The following CCDC3 variants were observed in gnomAD, a reference collection of about 807,000 sequenced individuals.
The protein encoded by CCDC3 is coiled-coil domain containing 3, also known as coiled-coil domain-containing protein 3.
CCDC3 carries 24 observed loss-of-function variants against 21.4 expected under a neutral mutation model. The observed-to-expected ratio is 1.12, with a 90% CI of 0.81 to 1.58. The LOEUF (loss-of-function observed/expected upper bound fraction) is 1.58. Ranked by LOEUF, CCDC3 falls within the 40% of genes most tolerant of loss-of-function variation. CCDC3 has a pLI of 0.00. For missense variants in CCDC3, 425 were observed against 360.9 expected (o/e 1.18, Z -1.44); for synonymous variants, 186 against 166.0 (o/e 1.12, Z -0.93).
At chr10:12,972,270 T>G (rs955656838) in intron 2 of CCDC3, among the ~76,000 whole-genome samples, 1 of 152,146 alleles carries the variant, frequency 6.6e-6, no homozygotes, top group Non-Finnish European at 1.5e-5. Flanking sequence ...AGCCTCCAGC[T>G]TCCTCTTCCC....
At chr10:13,052,025 C>T (rs1564333423) in intron 4 of CCDC3, among the ~76,000 whole-genome samples, 1 of 152,000 alleles carries the variant, frequency 6.6e-6, no homozygotes, top group Non-Finnish European at 1.5e-5. Flanking sequence ...TAGGAGGGCC[C>T]CTTTTATGGG....
At chr10:13,087,869 G>A (rs570009085) in intron 3 of CCDC3, among the ~76,000 whole-genome samples, 32 of 152,276 alleles carry the variant, frequency 2.1e-4, no homozygotes, top group Non-Finnish European at 4.3e-4. Flanking sequence ...AGCAATTGTG[G>A]TCCTCCAGAC....
chr10:12,920,681 G>A (rs935862024), intron 2 of CCDC3, among the ~76,000 whole-genome samples: 11 of 152,156 alleles, frequency 7.2e-5, no homozygotes, highest in Non-Finnish European at 1.3e-4. Flanking sequence ...GAGAAGTTTT[G>A]AACACGTATC....
rs535689977 is a variant in CCDC3, at chr10:13,089,622, CA to C, written c.-503+8902del. Among the ~76,000 whole-genome samples, 204 of 152,116 alleles carry C rather than the reference CA, an allele frequency of 1.3e-3. 1 individual carries two copies. The highest frequency in any genetic ancestry group is 4.5e-3 in the African/African-American group (187 of 41,470). ...TCTCCAACTTTTTATTTTCTTTCAG[CA>C]CCCCCCCTTAAATTGGAGGAATTCT... On this transcript the variant is annotated intron_variant, in intron 3 of 6. Transcript: ENST00000378839.
At chr10:12,932,437 G>T (rs929879792) in intron 2 of CCDC3, among the ~76,000 whole-genome samples, 1 of 152,072 alleles carries the variant, frequency 6.6e-6, no homozygotes, top group Admixed American at 6.5e-5. Context: ...TTGGAGTATG[G>T]TTTCTACTGA....
At chr10:12,899,953 C>T (rs1408111302) in intron 2 of CCDC3, among the ~76,000 whole-genome samples, 2 of 152,198 alleles carry the variant, frequency 1.3e-5, no homozygotes, top group Admixed American at 1.3e-4. Context: ...GGGAGGGACC[C>T]AGTGGGAAGT....
At chr10:12,939,185 T>G (rs2131236104) in intron 2 of CCDC3, among the ~76,000 whole-genome samples, 1 of 152,296 alleles carries the variant, frequency 6.6e-6, no homozygotes. Flanking sequence ...CCTTGCTTCC[T>G]ACTTTATAAA....
intron 5 of CCDC3, among the ~76,000 whole-genome samples, chr10:13,027,263 C>T (rs899066722): frequency 2.6e-5 from 4 of 152,088 alleles, no homozygotes; most frequent in African/African-American, 9.7e-5. Flanking sequence ...TTCTCAGAAC[C>T]CAAAGCACAC....
At chr10:12,901,433 C>T (rs1016372788) in intron 2 of CCDC3, among the ~76,000 whole-genome samples, 5 of 152,174 alleles carry the variant, frequency 3.3e-5, no homozygotes, top group East Asian at 1.9e-4. Flanking sequence ...CCACCAAGCC[C>T]GGCTCATTTT....
chr10:12,972,936 C>T (rs1279630436), intron 2 of CCDC3, among the ~76,000 whole-genome samples: 1 of 152,212 alleles, frequency 6.6e-6, no homozygotes, highest in Non-Finnish European at 1.5e-5. Context: ...CAGACAGGCA[C>T]GGTTTGAATC....
chr10:12,968,202 TACACAC>T (rs71386134), intron 2 of CCDC3, among the ~76,000 whole-genome samples: 4,230 of 143,540 alleles, frequency 0.029, 225 homozygotes, highest in African/African-American at 0.1. Context: ...CACACACACA[TACACAC>T]ACACACACAC....
intron 3 of CCDC3, among the ~76,000 whole-genome samples, chr10:13,096,220 A>G (rs1832628153): frequency 7.0e-6 from 1 of 143,078 alleles, no homozygotes; most frequent in South Asian, 2.2e-4. Flanking sequence ...GTCTCACTCC[A>G]TGGCCCAGGC....
At chr10:13,012,827 A>G (rs187665795) in intron 5 of CCDC3, among the ~76,000 whole-genome samples, 4 of 152,160 alleles carry the variant, frequency 2.6e-5, no homozygotes, top group Admixed American at 1.3e-4. Flanking sequence ...CCCTGGTGAC[A>G]AAATAATTTG....
intron 2 of CCDC3, among the ~76,000 whole-genome samples, chr10:12,961,340 T>C (rs1589022736): frequency 2.6e-5 from 4 of 152,140 alleles, no homozygotes; most frequent in Admixed American, 6.5e-5. Context: ...TTGCCAAAAA[T>C]ATGTCAGGAA....
intron 2 of CCDC3, among the ~76,000 whole-genome samples, chr10:12,913,912 C>T (rs555702171): frequency 6.6e-6 from 1 of 152,302 alleles, no homozygotes; most frequent in South Asian, 2.1e-4. Flanking sequence ...TTGAACCATG[C>T]TTATATCCCT....
chr10:13,001,321 C>A lies in CCDC3; in HGVS notation c.250G>T (p.Asp84Tyr). 2 of 1,606,116 alleles carry A rather than the reference C, an allele frequency of 1.2e-6. No individual in the cohort carries two copies. The highest frequency in any genetic ancestry group is 1.3e-5 in the African/African-American group (1 of 75,006). ...TCCAGCATGCTGCCCCACGCCTGGT[C>A]GCACAGCATCTCGACCTCGGCCGAG... ...FYSAEVEMLC[D>Y]QAWGSMLEVP... is the part of the protein sequence containing the mutation. Residue 84 changes from aspartate (D) to tyrosine (Y), a missense_variant, in exon 1 of 3, where the codon GAC becomes TAC. Physicochemically the swap from Asp to Tyr is radical, Grantham distance 160. Transcript: ENST00000378825.
chr10:12,981,218 T>C (rs888776904), intron 2 of CCDC3, among the ~76,000 whole-genome samples: 22 of 139,088 alleles, frequency 1.6e-4, no homozygotes, highest in African/African-American at 5.4e-4. Context: ...TTCTCACAGT[T>C]GGCCAGACAG....
chr10:13,063,690 T>A (rs1247392837), intron 4 of CCDC3, among the ~76,000 whole-genome samples: 3 of 152,104 alleles, frequency 2.0e-5, no homozygotes, highest in Non-Finnish European at 4.4e-5. Context: ...TACAAACTCA[T>A]GGAAACTCTG....
At chr10:13,075,803 C>A (rs529383773) in intron 3 of CCDC3, among the ~76,000 whole-genome samples, 2 of 152,294 alleles carry the variant, frequency 1.3e-5, no homozygotes, top group South Asian at 4.1e-4. Context: ...AATCCCAGCA[C>A]TTTCAGTGGC....
Sources: gnomAD v4.1 joint callset for allele counts (sites outside exome capture counted in the v4.1 genomes callset) on GRCh38, gnomAD v4.1.1 for gene constraint, MANE v1.5 for transcripts, NCBI Gene and HGNC (gene_info 2026-07-23, HGNC 2026-07-21) for gene names.